The following TRMT44 variants were observed in gnomAD, a reference collection of about 807,000 sequenced individuals.
TRMT44 encodes the protein tRNA methyltransferase 44 homolog.
Under a neutral mutation model 77.3 loss-of-function variants are expected in TRMT44, and 78 were observed. That is an observed-to-expected ratio of 1.01 (90% confidence interval 0.84 to 1.22). The LOEUF (loss-of-function observed/expected upper bound fraction) is 1.22. Among genes scored for constraint, TRMT44 ranks in the 50% most tolerant of loss-of-function variants. The pLI is 0.00. For synonymous variants in TRMT44, 391 were observed against 383.3 expected (o/e 1.02, Z -0.23); for missense variants, 1,090 against 964.4 (o/e 1.13, Z -1.73).
chr4:8,495,378 A>G (rs900537535), downstream of TRMT44, among the ~76,000 whole-genome samples: 3 of 152,200 alleles, frequency 2.0e-5, no homozygotes, highest in Admixed American at 1.3e-4. Flanking sequence ...GCCTCCTGGC[A>G]GGGCTCTTCC....
the TRMT44 span, among the ~76,000 whole-genome samples, chr4:8,504,145 T>C: frequency 6.6e-6 from 1 of 151,954 alleles, no homozygotes; most frequent in African/African-American, 2.4e-5. The surrounding 1 kb of genome is among the most constrained non-coding windows in gnomAD (Gnocchi z 5.3). Context: ...GCATCAGGGG[T>C]CTGCACTGCA....
At chr4:8,467,037 GCTGGGCAGGGC>G (rs1283686404) in intron 8 of TRMT44, among the ~76,000 whole-genome samples, 5 of 152,232 alleles carry the variant, frequency 3.3e-5, no homozygotes, top group Non-Finnish European at 7.3e-5. Flanking sequence ...CCTTGCTGGG[GCTGGGCAGGGC>G]CTGGTTGTCC....
intron 8 of TRMT44, among the ~76,000 whole-genome samples, 191 bp from the exon 9 acceptor site, chr4:8,467,723 T>C (rs1180313125): frequency 6.6e-6 from 1 of 152,222 alleles, no homozygotes; most frequent in Non-Finnish European, 1.5e-5. Flanking sequence ...TCCGCCTGCC[T>C]TGGGCTCCCA....
downstream of TRMT44, chr4:8,478,520 C>T (rs1727502142): frequency 6.6e-6 from 1 of 152,506 alleles, no homozygotes; most frequent in Non-Finnish European, 1.5e-5. Context: ...GTCCACAGGT[C>T]ATGTGACTGG....
rs1726485302 is a variant in TRMT44, at chr4:8,465,572, T to G, written c.1494+11T>G. The G allele has an allele frequency of 6.2e-7, 1 of 1,607,676 alleles. No individual in the cohort carries two copies. Among genetic ancestry groups the G allele is most frequent in the Non-Finnish European group, 8.5e-7 (1 of 1,176,492 alleles). ...CCTTCAACCAAAAGAGTATGTCTGA[T>G]TCTCATGTTGTTCTAGGCGGTGTGT... is the stretch of plus-strand genomic sequence containing the variant. On this transcript the variant is annotated intron_variant, in intron 8 of 10. Transcript: ENST00000389737.
At chr4:8,515,910 A>G in the TRMT44 span, among the ~76,000 whole-genome samples, 3 of 152,214 alleles carry the variant, frequency 2.0e-5, no homozygotes, top group African/African-American at 7.2e-5. Flanking sequence ...AGAAGTGGGA[A>G]GTGCCTGAAA....
chr4:8,452,836 A>G lies in TRMT44; in HGVS notation c.1024-46A>G. 8.7e-7 allele frequency: 1 copy of G among 1,146,564 alleles called. No homozygotes were observed. The highest frequency in any genetic ancestry group is 1.2e-6 in the Non-Finnish European group (1 of 811,532). 71.0% of individuals were successfully genotyped at this position (1,146,564 alleles called of 1,614,324 possible). A position where few individuals can be genotyped will look rare whatever the true frequency, so the allele number is the denominator to read the frequency against. On this transcript the variant is annotated intron_variant, in intron 4 of 10. Transcript: ENST00000389737. This position sits in a 1 kb window ranked among gnomAD's most constrained non-coding sequence, Gnocchi z 5.7. ...GTTTGTGTCTAAATTATTCTTGCGT[A>G]GAGTGAATTACCACCTGACTTTGTT...
chr4:8,455,921 A>G (rs1022188390), intron 6 of TRMT44, among the ~76,000 whole-genome samples: 1 of 152,160 alleles, frequency 6.6e-6, no homozygotes, highest in African/African-American at 2.4e-5. Context: ...TGCATAACCT[A>G]GAAATATTGA....
In TRMT44 at chr4:8,441,076, C is replaced by T. The variant is rs1724643356; in HGVS notation, c.254C>T (p.Pro85Leu). The T allele has an allele frequency of 6.7e-7, 1 of 1,491,432 alleles. No individual in the cohort carries two copies. Among genetic ancestry groups the T allele is most frequent in the East Asian group, 2.5e-5 (1 of 40,258 alleles). 92.4% of individuals were successfully genotyped at this position (1,491,432 alleles called of 1,614,324 possible). ...GGTTCCCCCGGAGGGGGCCCGGGTC[C>T]CAGGTCGCTATCAGGACCCGAGCAG... Reference protein sequence around the residue: ...GQGSPGGGPGPRSLSGPEQGT... With the variant: ...GQGSPGGGPGLRSLSGPEQGT... Residue 85 changes from proline (P) to leucine (L), a missense_variant, in exon 1 of 11, where the codon CCC becomes CTC. Pro to Leu is a moderately conservative substitution (Grantham distance 98, BLOSUM62 -3). Coordinates refer to ENST00000389737, the MANE Select transcript of TRMT44 (RefSeq NM_152544.3).
chr4:8,464,698 G>C (rs1209637257), intron 7 of TRMT44, among the ~76,000 whole-genome samples: 4 of 152,264 alleles, frequency 2.6e-5, no homozygotes, highest in Non-Finnish European at 5.9e-5. Context: ...CCTATTAAAA[G>C]CTGACGTCTT....
chr4:8,449,960 T>TTTC (rs1725333069), intron 3 of TRMT44, 72 bp downstream of exon 3: 6 of 778,794 alleles, frequency 7.7e-6, no homozygotes, highest in South Asian at 2.2e-5. Flanking sequence ...TTTTTTTTTT[T>TTTC]TTTTTTTTTT....
At chr4:8,494,720 T>TGGGCAAAA (rs1405079792), downstream of TRMT44, among the ~76,000 whole-genome samples, 1 of 152,154 alleles carries the variant, frequency 6.6e-6, no homozygotes, top group East Asian at 1.9e-4. Flanking sequence ...GTCCTTAACC[T>TGGGCAAAA]GGGCAAAATA....
rs1174614081 is a variant in TRMT44 at position 8,475,850 on chromosome 4, G to C, written c.2123G>C (p.Arg708Thr). 6.2e-7 allele frequency: 1 copy of C among 1,614,232 alleles called. No individual in the cohort carries two copies. Among genetic ancestry groups the C allele is most frequent in the South Asian group, 1.1e-5 (1 of 91,090 alleles). Residue 708 changes from arginine (R) to threonine (T), a missense_variant, in exon 11 of 11, where the codon AGA becomes ACA. Arg to Thr is a moderately conservative substitution (Grantham distance 71). Coordinates refer to ENST00000389737, the MANE Select transcript of TRMT44 (RefSeq NM_152544.3). ...WKTKQPEAKQRLLSEACKTRL... is the reference protein window; with the variant it reads ...WKTKQPEAKQTLLSEACKTRL... The stretch of plus-strand genomic sequence containing the variant: ...ACAAAGCAACCGGAAGCGAAACAGA[G>C]ACTGCTCTCTGAAGCCTGCAAAACC...
chr4:8,483,243 AC>A, intron 2 of TRMT44, among the ~76,000 whole-genome samples: 1 of 152,356 alleles, frequency 6.6e-6, no homozygotes, highest in South Asian at 2.1e-4. Context: ...TTATTTATTT[AC>A]TTCAAGAGTT....
chr4:8,483,149 A>G (rs1727680801), intron 2 of TRMT44, among the ~76,000 whole-genome samples: 2 of 152,220 alleles, frequency 1.3e-5, no homozygotes, highest in African/African-American at 4.8e-5. Flanking sequence ...AAAAACAGGT[A>G]TAAAAGGTCT....
chr4:8,474,780 A>C lies in TRMT44; in HGVS notation c.2045-992A>C, dbSNP rs375301878. ...GCCATGTTTCACGGGGAGTTGTTGG[A>C]TTCCCACAAGGAAACGGCCAAATGG... On this transcript the variant is annotated intron_variant, in intron 10 of 10. Transcript: ENST00000389737. 1.1e-4 allele frequency among the ~76,000 whole-genome samples: 16 copies of C among 152,110 alleles called. No homozygotes were observed. In the East Asian group the frequency reaches 2.9e-3, roughly 28 times the overall value.
intron 10 of TRMT44, among the ~76,000 whole-genome samples, chr4:8,472,607 C>T (rs1400756752): frequency 3.3e-5 from 5 of 152,228 alleles, no homozygotes; most frequent in African/African-American, 1.2e-4. Flanking sequence ...GTGTGCCTGC[C>T]TGCTCCTGGA....
At chr4:8,479,739 A>C (rs1727554387), downstream of TRMT44, among the ~76,000 whole-genome samples, 1 of 152,166 alleles carries the variant, frequency 6.6e-6, no homozygotes, top group East Asian at 1.9e-4. Context: ...AGTTTATACT[A>C]AAAAAATGTC....
intron 2 of TRMT44, among the ~76,000 whole-genome samples, chr4:8,488,414 A>AAATT (rs1727886014): frequency 6.6e-6 from 1 of 152,160 alleles, no homozygotes; most frequent in Non-Finnish European, 1.5e-5. Context: ...AGGTAAAGGA[A>AAATT]AATTACAGTC....
Sources: allele counts gnomAD v4.1 joint callset (sites outside exome capture counted in the v4.1 genomes callset), GRCh38; gene constraint gnomAD v4.1.1; non-coding constraint Gnocchi (gnomAD v3.1); transcripts MANE v1.5; gene names NCBI Gene and HGNC (gene_info 2026-07-23, HGNC 2026-07-21).